The following ACSL1 variants were observed in gnomAD, a reference collection of about 807,000 sequenced individuals.
The protein encoded by ACSL1 is acyl-CoA synthetase long chain family member 1, also known as long-chain-fatty-acid--CoA ligase 1.
Under a neutral mutation model 98.4 loss-of-function variants are expected in ACSL1, and 41 were observed. The ratio of observed to expected loss-of-function variants is 0.42; its 90% CI spans 0.32 to 0.54. The LOEUF is 0.54. Ranked by LOEUF, ACSL1 falls within the 20% of genes least tolerant of loss-of-function variation. The pLI is 0.13. For missense variants in ACSL1, 734 were observed against 883.1 expected (o/e 0.83, Z 2.14); for synonymous variants, 316 against 322.7 (o/e 0.98, Z 0.22).
intron 2 of ACSL1, among the ~76,000 whole-genome samples, chr4:184,799,781 T>A (rs1291197899): frequency 6.6e-6 from 1 of 152,070 alleles, no homozygotes; most frequent in Non-Finnish European, 1.5e-5. Flanking sequence ...CCCAGGAGTT[T>A]GAGGCTGTAG....
Position 184,794,363 on chromosome 4 carries a change from G to T in ACSL1, c.196-5632C>A, listed in dbSNP as rs545355748. On this transcript the variant is annotated intron_variant, in intron 2 of 20. Coordinates refer to ENST00000281455, the MANE Select transcript of ACSL1 (RefSeq NM_001995.5). ...CCACAATAATTTCTAAATGACAATG[G>T]ACAGATATTTTTAAAATTCCCAGAT... Among the ~76,000 whole-genome samples, 56 of 152,216 alleles carry T rather than the reference G, an allele frequency of 3.7e-4. No individual in the cohort carries two copies. The South Asian group carries it at 0.011, about 31-fold the overall frequency.
chr4:184,757,646 G>A lies in ACSL1; in HGVS notation c.1945C>T (p.Pro649Ser). Reference sequence around the variant, plus strand: ...GATGAAGGTCATACCTGTTCAAATGGTTTCAGACCAGAATCCTTCCCAAGT... The same window carrying A: ...GATGAAGGTCATACCTGTTCAAATGATTTCAGACCAGAATCCTTCCCAAGT... ...VRLGKDSGLK[P>S]FEQVKGITLH... The change falls in exon 20 of 21, where the codon CCA becomes TCA. Residue 649 changes from proline (P) to serine (S), a missense_variant. Physicochemically the swap from Pro to Ser is moderately conservative, Grantham distance 74 (BLOSUM62 -1). Transcript: ENST00000281455. This position sits in a 1 kb window ranked among gnomAD's most constrained non-coding sequence, Gnocchi z 4.5. The A allele has an allele frequency of 6.2e-7, 1 of 1,613,920 alleles. No individual in the cohort carries two copies. The highest frequency in any genetic ancestry group is 8.5e-7 in the Non-Finnish European group (1 of 1,179,966).
chr4:184,815,815 T>C (rs1772575781), intron 1 of ACSL1, among the ~76,000 whole-genome samples: 1 of 152,068 alleles, frequency 6.6e-6, no homozygotes, highest in Non-Finnish European at 1.5e-5. Flanking sequence ...AGGTACCTGC[T>C]GTTACTTTAA....
intron 2 of ACSL1, among the ~76,000 whole-genome samples, chr4:184,802,968 C>G (rs538450590): frequency 2.3e-4 from 35 of 152,176 alleles, no homozygotes; most frequent in Admixed American, 1.2e-3. Context: ...AACTCTCATT[C>G]CTGCCAGAAT....
chr4:184,817,202 C>G (rs1045523451), intron 1 of ACSL1, among the ~76,000 whole-genome samples: 17 of 152,018 alleles, frequency 1.1e-4, no homozygotes, highest in African/African-American at 4.1e-4. Flanking sequence ...CAAATTCTTT[C>G]CTTTTTAAAA....
In ACSL1 at chr4:184,825,628, C is replaced by T. The variant is rs1773417538; in HGVS notation, c.-33+288G>A. Among the ~76,000 whole-genome samples, 3 of 150,668 alleles carry T rather than the reference C, an allele frequency of 2.0e-5. No homozygotes were observed. Among genetic ancestry groups the T allele is most frequent in the South Asian group, 4.1e-4 (2 of 4,832 alleles). On this transcript the variant is annotated intron_variant, in intron 1 of 20. Transcript: ENST00000281455. This position sits in a 1 kb window ranked among gnomAD's most constrained non-coding sequence, Gnocchi z 4.7. ...CGCACACACAAGGGTCGGTCCCGCG[C>T]GCATCCCCGGCCGCGCACCAGCCCC...
chr4:184,823,530 G>A (rs1419554421), intron 1 of ACSL1, among the ~76,000 whole-genome samples: 10 of 152,174 alleles, frequency 6.6e-5, no homozygotes, highest in Non-Finnish European at 1.3e-4. Flanking sequence ...TTCCAGACAA[G>A]TGAAACTGGA....
At chr4:184,807,045 G>C (rs938078379) in intron 1 of ACSL1, among the ~76,000 whole-genome samples, 4 of 152,140 alleles carry the variant, frequency 2.6e-5, no homozygotes, top group African/African-American at 9.7e-5. Context: ...GGCACTTGGG[G>C]TATTTAAAAA....
At chr4:184,790,348 T>C (rs1383430296) in intron 2 of ACSL1, among the ~76,000 whole-genome samples, 1 of 152,254 alleles carries the variant, frequency 6.6e-6, no homozygotes, top group Non-Finnish European at 1.5e-5. Flanking sequence ...TATTAGTAGT[T>C]TGGTAAATTC....
rs144316771 is a variant in ACSL1, at chr4:184,823,570, T to C, written c.-33+2346A>G. 8.1e-3 allele frequency among the ~76,000 whole-genome samples: 1,238 copies of C among 152,292 alleles called. 7 individuals are homozygous for C. The highest frequency in any genetic ancestry group is 0.014 in the Non-Finnish European group (956 of 68,012). On this transcript the variant is annotated intron_variant, in intron 1 of 20. Coordinates refer to ENST00000281455, the MANE Select transcript of ACSL1 (RefSeq NM_001995.5). ...AGAGAGGAGAAATACCCAGTTATAA[T>C]GACAAGACAACCTTATCTTTTCTCA...
intron 2 of ACSL1, among the ~76,000 whole-genome samples, chr4:184,792,525 G>A (rs113653388): frequency 6.5e-4 from 99 of 152,194 alleles, no homozygotes; most frequent in African/African-American, 2.2e-3. Context: ...CGTCTCAACC[G>A]TCTGACTGAG....
chr4:184,823,858 C>T (rs1467736054), intron 1 of ACSL1, among the ~76,000 whole-genome samples: 1 of 152,154 alleles, frequency 6.6e-6, no homozygotes, highest in Non-Finnish European at 1.5e-5. Flanking sequence ...TCTGCATACA[C>T]CATGCATGCT....
At position 184,795,347 on chromosome 4, in the gene ACSL1, G is replaced by A. The variant is rs111570932; in HGVS notation, c.196-6616C>T. On this transcript the variant is annotated intron_variant, in intron 2 of 20. Transcript: ENST00000281455. ...CAGCACGCATTTCCGTCCTTTATGC[G>A]TTTCTGTCATCAAACACGTTCTCTG... Among the ~76,000 whole-genome samples, 852 of 152,220 alleles carry A rather than the reference G, an allele frequency of 5.6e-3. 10 individuals are homozygous for A. The highest frequency in any genetic ancestry group is 0.02 in the African/African-American group (824 of 41,516).
intron 10 of ACSL1, among the ~76,000 whole-genome samples, chr4:184,771,457 C>T (rs2150313770): frequency 6.6e-6 from 1 of 152,172 alleles, no homozygotes; most frequent in East Asian, 1.9e-4. Flanking sequence ...CCTTAAAGCC[C>T]TACTTTACAT....
intron 3 of ACSL1, among the ~76,000 whole-genome samples, chr4:184,785,915 C>T (rs1368510808): frequency 6.6e-6 from 1 of 152,184 alleles, no homozygotes; most frequent in Non-Finnish European, 1.5e-5. Flanking sequence ...TGTGGTTTTT[C>T]CTGGGAACTC....
At chr4:184,809,419 C>T (rs1771801557) in intron 1 of ACSL1, among the ~76,000 whole-genome samples, 1 of 152,198 alleles carries the variant, frequency 6.6e-6, no homozygotes, top group African/African-American at 2.4e-5. Context: ...TATCTTATAG[C>T]AGTTTCTGTA....
intron 1 of ACSL1, among the ~76,000 whole-genome samples, chr4:184,815,992 A>C (rs1370355141): frequency 6.6e-6 from 1 of 152,028 alleles, no homozygotes; most frequent in Non-Finnish European, 1.5e-5. Context: ...GTGATGGCAC[A>C]CACCTGTAGT....
intron 12 of ACSL1, among the ~76,000 whole-genome samples, chr4:184,767,276 C>T (rs1763756094): frequency 7.1e-6 from 1 of 139,890 alleles, no homozygotes; most frequent in Non-Finnish European, 1.6e-5. Context: ...AGAGAGAGAC[C>T]CTGTCTCAAA....
intron 1 of ACSL1, among the ~76,000 whole-genome samples, chr4:184,810,988 G>T (rs1772004671): frequency 6.6e-6 from 1 of 152,196 alleles, no homozygotes; most frequent in African/African-American, 2.4e-5. Flanking sequence ...GCCTGGGTCT[G>T]AAGCCAAAGC....
Sources: allele counts gnomAD v4.1 joint callset (sites outside exome capture counted in the v4.1 genomes callset), GRCh38; gene constraint gnomAD v4.1.1; non-coding constraint Gnocchi (gnomAD v3.1); transcripts MANE v1.5; gene names NCBI Gene and HGNC (gene_info 2026-07-23, HGNC 2026-07-21).